The following VAMP7 variants were observed in gnomAD, a reference collection of about 807,000 sequenced individuals.
VAMP7 encodes vesicle associated membrane protein 7.
A neutral mutation model predicts 29.6 loss-of-function variants in VAMP7; 14 were observed. That is an observed-to-expected ratio of 0.47 (90% confidence interval 0.31 to 0.74). The LOEUF (loss-of-function observed/expected upper bound fraction) is 0.74, where lower values mean the gene tolerates loss of function less well. Ranked by LOEUF, VAMP7 falls within the 30% of genes least tolerant of loss-of-function variation. VAMP7 has a pLI of 0.05. For synonymous variants in VAMP7, 95 were observed against 88.1 expected (o/e 1.08, Z -0.44); for missense variants, 223 against 262.4 (o/e 0.85, Z 1.04).
Position 155,922,861 on chromosome X carries a change from T to C in VAMP7, c.501+2981T>C, listed in dbSNP as rs1464952324. On this transcript the variant is annotated intron_variant, in intron 6 of 7. Coordinates refer to ENST00000286448, the MANE Select transcript of VAMP7 (RefSeq NM_005638.6). ...TAAAATCTGCCATCTTGCTGTTTGT[T>C]TCCTATTTATACCATCTAGTCTTTG... is the stretch of plus-strand genomic sequence containing the variant. 5.9e-5 allele frequency among the ~76,000 whole-genome samples: 9 copies of C among 152,158 alleles called. No individual in the cohort carries two copies. The South Asian group carries it at 1.7e-3, about 28-fold the overall frequency.
At chrX:155,882,401 G>A (rs189033624) in intron 1 of VAMP7, among the ~76,000 whole-genome samples, 171 of 152,286 alleles carry the variant, frequency 1.1e-3, no homozygotes, top group Middle Eastern at 3.4e-3. Context: ...GACTTGAAAG[G>A]ATGGGATCCT....
intron 5 of VAMP7, among the ~76,000 whole-genome samples, chrX:155,916,558 C>A (rs2066316842): frequency 6.6e-6 from 1 of 152,130 alleles, no homozygotes; most frequent in African/African-American, 2.4e-5. Context: ...CTGGTGGTGA[C>A]AAAATCTCTC....
At chrX:155,934,315 T>A (rs898160957) in intron 6 of VAMP7, among the ~76,000 whole-genome samples, 2 of 152,142 alleles carry the variant, frequency 1.3e-5, no homozygotes, top group African/African-American at 4.8e-5. Context: ...AAGTCTCCCT[T>A]TATTATTGTA....
chrX:155,916,523 C>T (rs2066316217), intron 5 of VAMP7, among the ~76,000 whole-genome samples: 1 of 152,118 alleles, frequency 6.6e-6, no homozygotes, highest in Non-Finnish European at 1.5e-5. Flanking sequence ...TTAGTGCTTC[C>T]TTCAGGACCT....
chrX:155,897,783 A>G (rs908464401), intron 3 of VAMP7, among the ~76,000 whole-genome samples: 3 of 152,152 alleles, frequency 2.0e-5, no homozygotes, highest in African/African-American at 4.8e-5. Context: ...GGGCCTTCTA[A>G]TAGATCTTAT....
At chrX:155,932,085 G>C (rs990638259) in intron 6 of VAMP7, among the ~76,000 whole-genome samples, 3 of 152,150 alleles carry the variant, frequency 2.0e-5, no homozygotes, top group Non-Finnish European at 4.4e-5. Flanking sequence ...TTTGGTACCA[G>C]TACCATGCTG....
intron 5 of VAMP7, among the ~76,000 whole-genome samples, chrX:155,911,493 A>G (rs1271184577): frequency 2.0e-5 from 3 of 152,200 alleles, no homozygotes; most frequent in Non-Finnish European, 2.9e-5. Flanking sequence ...GTGAAAAATG[A>G]CATTGGTACT....
At chrX:155,929,145 AG>A (rs1178897319) in intron 6 of VAMP7, among the ~76,000 whole-genome samples, 1 of 152,212 alleles carries the variant, frequency 6.6e-6, no homozygotes, top group Non-Finnish European at 1.5e-5. Context: ...TGAAGAATTT[AG>A]GCATCTGAGA....
intron 7 of VAMP7, among the ~76,000 whole-genome samples, chrX:155,941,159 A>G (rs1460596227): frequency 2.0e-5 from 3 of 152,178 alleles, no homozygotes; most frequent in Non-Finnish European, 2.9e-5. Context: ...AAAATAAAAA[A>G]TAAAAAATAA....
chrX:155,903,460 A>G (rs1002816912), intron 5 of VAMP7, among the ~76,000 whole-genome samples: 1 of 152,188 alleles, frequency 6.6e-6, no homozygotes, highest in Non-Finnish European at 1.5e-5. Context: ...TACTCATCTG[A>G]CAAAGAGCTA....
intron 6 of VAMP7, among the ~76,000 whole-genome samples, chrX:155,933,062 C>T (rs1226455292): frequency 6.6e-6 from 1 of 152,136 alleles, no homozygotes; most frequent in Non-Finnish European, 1.5e-5. Context: ...CCCACTTGAT[C>T]ATGGTAGATA....
chrX:155,934,529 C>CT (rs1008443062), intron 6 of VAMP7, among the ~76,000 whole-genome samples: 4 of 151,988 alleles, frequency 2.6e-5, no homozygotes, highest in African/African-American at 7.2e-5. Context: ...CAACCCCTGC[C>CT]TTTTTTTGTT....
chrX:155,935,198 G>A (rs1004885274), intron 6 of VAMP7, among the ~76,000 whole-genome samples: 3 of 151,994 alleles, frequency 2.0e-5, no homozygotes, highest in African/African-American at 4.8e-5. Flanking sequence ...TCTTCTCGAG[G>A]AGTATCTTTG....
At chrX:155,939,249 A>G (rs915755443) in intron 6 of VAMP7, among the ~76,000 whole-genome samples, 6 of 152,210 alleles carry the variant, frequency 3.9e-5, no homozygotes, top group African/African-American at 1.4e-4. Flanking sequence ...ATGAAGTTCT[A>G]TGGGTTTTGG....
intron 6 of VAMP7, among the ~76,000 whole-genome samples, chrX:155,921,181 A>G (rs1975987704): frequency 6.6e-6 from 1 of 152,180 alleles, no homozygotes; most frequent in South Asian, 2.1e-4. Context: ...TAAAAGTCTT[A>G]ATTTTGTTGA....
At chrX:155,918,445 C>T (rs1308695521) in intron 5 of VAMP7, among the ~76,000 whole-genome samples, 1 of 152,094 alleles carries the variant, frequency 6.6e-6, no homozygotes, top group African/African-American at 2.4e-5. Flanking sequence ...GCATAGGCAC[C>T]CAAGGGAATC....
At chrX:155,893,612 T>A (rs1408292675) in intron 2 of VAMP7, among the ~76,000 whole-genome samples, 1 of 152,166 alleles carries the variant, frequency 6.6e-6, no homozygotes, top group Non-Finnish European at 1.5e-5. Context: ...ATGAGGGCCT[T>A]CTTCCTGGCT....
intron 6 of VAMP7, among the ~76,000 whole-genome samples, chrX:155,925,013 ACTC>A (rs906179278): frequency 1.3e-5 from 2 of 152,030 alleles, no homozygotes; most frequent in African/African-American, 4.8e-5. Context: ...ATAAGAAACA[ACTC>A]CTCATTCATT....
At chrX:155,905,481 C>T (rs2066134586) in intron 5 of VAMP7, among the ~76,000 whole-genome samples, 1 of 151,990 alleles carries the variant, frequency 6.6e-6, no homozygotes, top group South Asian at 2.1e-4. Flanking sequence ...GAAACTGTCG[C>T]CTAAGCCAAG....
Sources: gnomAD v4.1 joint callset for allele counts (sites outside exome capture counted in the v4.1 genomes callset) on GRCh38, gnomAD v4.1.1 for gene constraint, MANE v1.5 for transcripts, NCBI Gene and HGNC (gene_info 2026-07-23, HGNC 2026-07-21) for gene names.